Variants in MYBPC1 observed in about 807,000 individuals in gnomAD.
MYBPC1 encodes myosin-binding protein C, slow-type.
In MYBPC1, 52 loss-of-function variants were observed where a neutral mutation model predicts 147.1. The ratio of observed to expected loss-of-function variants is 0.35; its 90% confidence interval spans 0.28 to 0.45. The LOEUF (loss-of-function observed/expected upper bound fraction) is 0.45, where lower values mean the gene tolerates loss of function less well. MYBPC1 is among the 20% of genes least tolerant of loss of function. MYBPC1 has a pLI of 1.00. For missense variants in MYBPC1, 1,228 were observed against 1,440.3 expected (o/e 0.85, Z 2.39); for synonymous variants, 477 against 475.9 (o/e 1.00, Z -0.03).
intron 18 of MYBPC1, among the ~76,000 whole-genome samples, chr12:101,659,038 GA>G (rs146290262): frequency 1.3e-5 from 2 of 151,442 alleles, no homozygotes; most frequent in Non-Finnish European, 1.5e-5. Flanking sequence ...GAAAAAAAGT[GA>G]AAAAAAAGAA....
At chr12:101,638,354 AAAAAC>A (rs1891401848) in intron 10 of MYBPC1, among the ~76,000 whole-genome samples, 1 of 152,200 alleles carries the variant, frequency 6.6e-6, no homozygotes, top group Non-Finnish European at 1.5e-5. Flanking sequence ...AAATAGTGGT[AAAAAC>A]ATGGACTGGA....
rs143460019 is a variant in MYBPC1 at position 101,607,112 on chromosome 12, C to T, written c.26-7384C>T. 2.4e-3 allele frequency among the ~76,000 whole-genome samples: 368 copies of T among 152,230 alleles called. 2 individuals carry two copies. Among genetic ancestry groups the T allele is most frequent in the African/African-American group, 8.3e-3 (343 of 41,536 alleles). On this transcript the variant is annotated intron_variant, in intron 1 of 31. Coordinates refer to ENST00000361466, the MANE Select transcript of MYBPC1 (RefSeq NM_002465.4). ...CTGAGATCATAGGCGAGAGCCACTG[C>T]GCCCGGCCATGGGGTACACTTATGA... is the stretch of plus-strand genomic sequence containing the variant.
At position 101,621,354 on chromosome 12, in the gene MYBPC1, C is replaced by T. The variant is rs146804164; in HGVS notation, c.103+4111C>T. 9.4e-3 allele frequency among the ~76,000 whole-genome samples: 1,434 copies of T among 152,298 alleles called. 7 individuals carry two copies. The highest frequency in any genetic ancestry group is 0.015 in the Non-Finnish European group (987 of 68,010). On this transcript the variant is annotated intron_variant, in intron 3 of 31. Transcript: ENST00000361466. ...AAGAAAAATTCATTAAATGTACATA[C>T]TTATTGTAGGATAAATCATGGTTTT...
rs563717206 is a variant in MYBPC1 at position 101,679,279 on chromosome 12, G to A, written c.3246+1041G>A. Among the ~76,000 whole-genome samples the A allele has an allele frequency of 5.9e-5, 9 of 152,296 alleles. 1 individual carries two copies. The highest frequency in any genetic ancestry group is 2.2e-4 in the African/African-American group (9 of 41,568). On this transcript the variant is annotated intron_variant, in intron 28 of 31. Transcript: ENST00000361466. ...GAATGATGAGGAAGCAGATGGAGAG[G>A]TTCACCCGGAGCCTAGGAGAAAGGC...
chr12:101,632,186 T>G (rs1252699873), intron 8 of MYBPC1, 48 bp downstream of exon 8: 1 of 1,268,960 alleles, frequency 7.9e-7, no homozygotes, highest in Admixed American at 1.7e-5. Context: ...TAATGGGGTG[T>G]GAGGGGATGG....
intron 10 of MYBPC1, among the ~76,000 whole-genome samples, chr12:101,638,310 A>G (rs1221117845): frequency 2.6e-5 from 4 of 152,242 alleles, no homozygotes; most frequent in Admixed American, 6.5e-5. Context: ...TGCCTGGCAC[A>G]TAGAAAAGGA....
At chr12:101,612,638 T>G (rs1399449076) in intron 1 of MYBPC1, among the ~76,000 whole-genome samples, 1 of 152,100 alleles carries the variant, frequency 6.6e-6, no homozygotes, top group Non-Finnish European at 1.5e-5. Context: ...GAAAGGAGAC[T>G]GGAGGGATGA....
intron 1 of MYBPC1, among the ~76,000 whole-genome samples, chr12:101,604,876 G>T (rs575947786): frequency 6.6e-6 from 1 of 152,106 alleles, no homozygotes; most frequent in Non-Finnish European, 1.5e-5. Context: ...AATTAATCTG[G>T]CTGAGTAGAG....
In MYBPC1 at chr12:101,662,353, T is replaced by A; in HGVS notation, c.2033-5T>A. On this transcript the variant is annotated splice_region_variant and splice_polypyrimidine_tract_variant and intron_variant, in intron 20 of 31. Transcript: ENST00000361466. The stretch of plus-strand genomic sequence containing the variant: ...AACCTTAGTTTTCATTTTGCATACC[T>A]GCAGGATATTTTATTGAGAGGAAGA... The A allele has an allele frequency of 6.2e-7, 1 of 1,614,106 alleles. No homozygotes were observed. Among genetic ancestry groups the A allele is most frequent in the Non-Finnish European group, 8.5e-7 (1 of 1,179,976 alleles).
At chr12:101,629,907 A>T (rs1374338824) in intron 6 of MYBPC1, among the ~76,000 whole-genome samples, 1 of 152,132 alleles carries the variant, frequency 6.6e-6, no homozygotes. Flanking sequence ...AAATTCACTT[A>T]TAACATTAAC....
At chr12:101,606,203 A>AAAACACAC (rs1555221849) in intron 1 of MYBPC1, among the ~76,000 whole-genome samples, 7 of 145,784 alleles carry the variant, frequency 4.8e-5, no homozygotes, top group African/African-American at 1.8e-4. Context: ...TCAAAAAAGA[A>AAAACACAC]ACACACACAC....
chr12:101,646,331 A>G (rs1305415828), intron 12 of MYBPC1, among the ~76,000 whole-genome samples: 1 of 152,128 alleles, frequency 6.6e-6, no homozygotes, highest in Non-Finnish European at 1.5e-5. Flanking sequence ...TGTGTAAGAT[A>G]TGATACCTAA....
At chr12:101,648,715 G>A (rs375559078) in intron 14 of MYBPC1, among the ~76,000 whole-genome samples, 5 of 152,246 alleles carry the variant, frequency 3.3e-5, no homozygotes, top group African/African-American at 1.2e-4. Flanking sequence ...TTTAGACTGA[G>A]AATCACCAAT....
At chr12:101,637,572 T>A (rs1891250547) in intron 10 of MYBPC1, among the ~76,000 whole-genome samples, 2 of 152,130 alleles carry the variant, frequency 1.3e-5, no homozygotes, top group South Asian at 4.1e-4. Flanking sequence ...AATTTGTAAA[T>A]AAACAGAGTA....
At chr12:101,659,956 TC>T (rs1896244356) in intron 19 of MYBPC1, 125 bp downstream of exon 19, 5 of 1,303,728 alleles carry the variant, frequency 3.8e-6, no homozygotes, top group Admixed American at 2.0e-5. Flanking sequence ...TCTTTTTTTT[TC>T]TTGCCTAGAG....
chr12:101,665,365 C>T (rs1897250029), intron 22 of MYBPC1, among the ~76,000 whole-genome samples: 1 of 152,000 alleles, frequency 6.6e-6, no homozygotes, highest in Admixed American at 6.6e-5. Context: ...TGGCTGTTGT[C>T]CTCCAGACTA....
At chr12:101,644,861 G>A in intron 12 of MYBPC1, 65 bp downstream of exon 12, 1 of 1,441,954 alleles carries the variant, frequency 6.9e-7, no homozygotes, top group South Asian at 1.2e-5. Context: ...TAGTTCGACT[G>A]ACTTTTCTGA....
At chr12:101,664,829 G>A (rs1388932278) in intron 22 of MYBPC1, among the ~76,000 whole-genome samples, 3 of 152,168 alleles carry the variant, frequency 2.0e-5, no homozygotes, top group African/African-American at 7.2e-5. Context: ...AACCCAGTAA[G>A]GGAAGGGGAT....
At chr12:101,616,040 A>C (rs1450148225) in intron 2 of MYBPC1, among the ~76,000 whole-genome samples, 2 of 152,160 alleles carry the variant, frequency 1.3e-5, no homozygotes, top group Admixed American at 6.5e-5. Flanking sequence ...TGAGAAATCT[A>C]GCTGCTCACA....
Sources: gnomAD v4.1 joint callset for allele counts (sites outside exome capture counted in the v4.1 genomes callset) on GRCh38, gnomAD v4.1.1 for gene constraint, MANE v1.5 for transcripts, NCBI Gene and HGNC (gene_info 2026-07-23, HGNC 2026-07-21) for gene names.